Variants in CREBBP observed in about 807,000 individuals in gnomAD.
CREBBP encodes CREB binding lysine acetyltransferase.
In CREBBP, 19 loss-of-function variants were observed where a neutral mutation model predicts 265.0. The ratio of observed to expected loss-of-function variants is 0.07; its 90% CI spans 0.05 to 0.11. CREBBP has a LOEUF of 0.11. CREBBP is among the 10% of genes least tolerant of loss of function. The probability of loss-of-function intolerance (pLI) is 1.00; values close to 1 mark genes in which losing one functional copy is unlikely to be tolerated. For missense variants in CREBBP, 2,525 were observed against 3,219.0 expected, an observed-to-expected ratio of 0.78 and a Z score of 5.22; for synonymous variants, 1,457 against 1,223.7, an observed-to-expected ratio of 1.19 and a Z score of -3.98.
At chr16:3,870,606 G>C (rs1028244221) in intron 1 of CREBBP, among the ~76,000 whole-genome samples, 4 of 152,058 alleles carry the variant, frequency 2.6e-5, no homozygotes, top group African/African-American at 9.7e-5. Flanking sequence ...ATCTTAGTTC[G>C]TTTTCTTACA....
chr16:3,855,064 C>T (rs2054930971), intron 1 of CREBBP, among the ~76,000 whole-genome samples: 1 of 152,178 alleles, frequency 6.6e-6, no homozygotes, highest in African/African-American at 2.4e-5. Context: ...ACTGCCCTTA[C>T]TCAAATTTTG....
At chr16:3,798,240 C>T (rs531480282) in intron 3 of CREBBP, among the ~76,000 whole-genome samples, 2 of 152,190 alleles carry the variant, frequency 1.3e-5, no homozygotes, top group Admixed American at 1.3e-4. Context: ...AGAAGAAAAC[C>T]GAGAATAAAT....
chr16:3,726,467 G>A lies in CREBBP; in HGVS notation c.*1251C>T, dbSNP rs536196290. The A allele has an allele frequency of 1.3e-4, 30 of 233,282 alleles. No homozygotes were observed. The highest frequency in any genetic ancestry group is 4.5e-4 in the Admixed American group (8 of 17,792). 14.5% of individuals were successfully genotyped at this position (233,282 alleles called of 1,614,324 possible). A position where few individuals can be genotyped will look rare whatever the true frequency, so the allele number is the denominator to read the frequency against. ...CGGGAAGAAAAGCCTCCGGGCGGCCGCTAAGCCTGGGCCACAGTTCCCAGC... is the reference window on the plus strand; with the variant it reads ...CGGGAAGAAAAGCCTCCGGGCGGCCACTAAGCCTGGGCCACAGTTCCCAGC... On this transcript the variant is annotated 3_prime_UTR_variant, in exon 31 of 31. Transcript: ENST00000262367.
chr16:3,778,717 C>T lies in CREBBP; in HGVS notation c.1924G>A (p.Glu642Lys), dbSNP rs1376477785. 2.5e-6 allele frequency: 4 copies of T among 1,613,654 alleles called. No individual in the cohort carries two copies. Among genetic ancestry groups the T allele is most frequent in the Admixed American group, 1.7e-5 (1 of 60,000 alleles). Residue 642 changes from glutamate (E) to lysine (K), a missense_variant, in exon 9 of 31, where the codon GAG (glutamate) becomes AAG (lysine). By Grantham distance (56) the Glu-to-Lys change is moderately conservative. Coordinates refer to ENST00000262367, the MANE Select transcript of CREBBP (RefSeq NM_004380.3). ...YAKKVEGDMY[E>K]SANSRDEYYH... ...CAACCTACCCTGCTGTTGGCAGACT[C>T]GTACATGTCCCCTTCCACTTTCTTA...
Position 3,824,256 on chromosome 16 carries a change from C to T in CREBBP, c.799-13477G>A, listed in dbSNP as rs536513191. Among the ~76,000 whole-genome samples, 3 of 152,370 alleles carry T rather than the reference C, an allele frequency of 2.0e-5. No individual in the cohort carries two copies. The East Asian group carries it at 5.8e-4, about 29-fold the overall frequency. ...CTAAATGGTAACAGACACAGTTGAC[C>T]GAGGCTACGCCTCTGCAACCTCATC... On this transcript the variant is annotated intron_variant, in intron 2 of 30. Coordinates refer to ENST00000262367, the MANE Select transcript of CREBBP (RefSeq NM_004380.3).
chr16:3,818,833 A>C (rs2054089012), intron 2 of CREBBP, among the ~76,000 whole-genome samples: 1 of 152,234 alleles, frequency 6.6e-6, no homozygotes, highest in Non-Finnish European at 1.5e-5. Context: ...TGCAAAGACA[A>C]GTGGAGAAAT....
At chr16:3,736,520 TTTTA>T in intron 27 of CREBBP, 126 bp downstream of exon 27, 1 of 1,383,826 alleles carries the variant, frequency 7.2e-7, no homozygotes, top group Non-Finnish European at 1.0e-6. Flanking sequence ...CACTTTAGGC[TTTTA>T]TTTTTCTGCT....
chr16:3,749,028 T>G (rs887378198), intron 21 of CREBBP, among the ~76,000 whole-genome samples: 1 of 152,056 alleles, frequency 6.6e-6, no homozygotes, highest in Non-Finnish European at 1.5e-5. Flanking sequence ...GCGCCTGTAG[T>G]CCCAGCTACT....
At position 3,810,639 on chromosome 16, in the gene CREBBP, A is replaced by G. The variant is rs3025702; in HGVS notation, c.939T>C (p.Asp313=). The G allele has an allele frequency of 0.023, 37,691 of 1,613,606 alleles. 2,723 individuals carry two copies. The African/African-American group carries it at 0.26, about 11-fold the overall frequency. The part of the protein sequence containing the change: ...MVNSLPTFPT[D]IKNTSVTNVP... ...CGTTGGTGACTGAAGTATTCTTGAT[A>G]TCTGTAGGGAAGGTGGGCAAACTGT... The change falls in exon 3 of 31, where the codon GAT becomes GAC. Residue 313 remains aspartate (D), a synonymous_variant. Coordinates refer to ENST00000262367, the MANE Select transcript of CREBBP (RefSeq NM_004380.3).
rs571776989 is a variant in CREBBP, at chr16:3,793,739, A to G, written c.976-113T>C. 1.7e-5 allele frequency: 22 copies of G among 1,302,456 alleles called. 1 individual carries two copies. In the South Asian group the frequency reaches 2.7e-4, roughly 16 times the overall value. The allele number at this position is 1,302,456 out of a possible 1,614,324, so 80.7% of individuals were successfully genotyped here. On this transcript the variant is annotated intron_variant, in intron 3 of 30. Coordinates refer to ENST00000262367, the MANE Select transcript of CREBBP (RefSeq NM_004380.3). ...CTGATGGATAATACCGACCACAGAG[A>G]GAAGGCTGGTGTAGTTCTCTAACCC...
intron 16 of CREBBP, among the ~76,000 whole-genome samples, chr16:3,760,991 G>A (rs1038184112): frequency 2.0e-5 from 3 of 152,024 alleles, no homozygotes; most frequent in Non-Finnish European, 4.4e-5. Flanking sequence ...TTTCACTCTT[G>A]TTGTCTAGGC....
In CREBBP at chr16:3,867,627, G is replaced by A. The variant is rs562270216; in HGVS notation, c.85+12205C>T. The stretch of plus-strand genomic sequence containing the variant: ...AAAAAGAAGACTTAATTAATTAAAA[G>A]AAAGCCTGGGCCGAGCATAGTGGCT... On this transcript the variant is annotated intron_variant, in intron 1 of 30. Transcript: ENST00000262367. Among the ~76,000 whole-genome samples the A allele has an allele frequency of 1.0e-3, 153 of 151,932 alleles. No homozygotes were observed. In the Middle Eastern group the frequency reaches 0.014, roughly 14 times the overall value.
intron 15 of CREBBP, 73 bp downstream of exon 15, chr16:3,769,101 C>A: frequency 6.4e-7 from 1 of 1,566,384 alleles, no homozygotes; most frequent in Admixed American, 1.7e-5. Context: ...ATGGCAGGCT[C>A]CAAGCCTCGC....
chr16:3,798,898 TTTTA>T (rs1323824420), intron 3 of CREBBP, among the ~76,000 whole-genome samples: 2 of 152,218 alleles, frequency 1.3e-5, no homozygotes, highest in Non-Finnish European at 2.9e-5. Context: ...CACAACAGCC[TTTTA>T]CAAATAGCCA....
At chr16:3,839,651 C>T (rs1290960340) in intron 2 of CREBBP, among the ~76,000 whole-genome samples, 3 of 139,064 alleles carry the variant, frequency 2.2e-5, no homozygotes. Flanking sequence ...CATTGCACTC[C>T]CACCTAGACA....
chr16:3,780,587 G>T (rs997770820), intron 8 of CREBBP, 145 bp downstream of exon 8: 3 of 818,786 alleles, frequency 3.7e-6, no homozygotes, highest in Non-Finnish European at 3.9e-6. Flanking sequence ...CCTGCCTAGG[G>T]CTGCCAGAAC....
At chr16:3,805,134 G>A (rs564445086) in intron 3 of CREBBP, among the ~76,000 whole-genome samples, 1 of 152,288 alleles carries the variant, frequency 6.6e-6, no homozygotes, top group South Asian at 2.1e-4. Context: ...TATACTTAGC[G>A]GCATTTGAAG....
At chr16:3,820,294 A>G (rs1016251149) in intron 2 of CREBBP, among the ~76,000 whole-genome samples, 2 of 152,240 alleles carry the variant, frequency 1.3e-5, no homozygotes, top group Admixed American at 6.5e-5. Context: ...TCCTTCCAGT[A>G]TATCAACTTG....
chr16:3,863,374 A>C (rs891117819), intron 1 of CREBBP, among the ~76,000 whole-genome samples: 1 of 152,260 alleles, frequency 6.6e-6, no homozygotes, highest in Middle Eastern at 3.4e-3. Context: ...AAGCCCAGGC[A>C]GGAAGATCAC....
Sources: gnomAD v4.1 joint callset for allele counts (sites outside exome capture counted in the v4.1 genomes callset) on GRCh38, gnomAD v4.1.1 for gene constraint, MANE v1.5 for transcripts, NCBI Gene and HGNC (gene_info 2026-07-23, HGNC 2026-07-21) for gene names.